PARP14: variants seen among roughly 807,000 people sequenced by gnomAD.
PARP14 encodes the protein poly(ADP-ribose) polymerase family member 14, also known as protein mono-ADP-ribosyltransferase PARP14.
In PARP14, 59 loss-of-function variants were observed where a neutral mutation model predicts 154.2. The observed-to-expected ratio is 0.38, with a 90% confidence interval of 0.31 to 0.48. PARP14 has a LOEUF of 0.48. Among genes scored for constraint, PARP14 ranks in the 20% least tolerant of loss-of-function variants. The probability of loss-of-function intolerance (pLI) is 0.98; values close to 1 mark genes in which losing one functional copy is unlikely to be tolerated. For synonymous variants in PARP14, 720 were observed against 780.5 expected (o/e 0.92, Z 1.29); for missense variants, 1,734 against 2,131.6 (o/e 0.81, Z 3.67).
chr3:122,729,867 C>T lies in PARP14; in HGVS notation c.*1270C>T, dbSNP rs556764572. 3 of 152,298 alleles carry T rather than the reference C, an allele frequency of 2.0e-5. No homozygotes were observed. The East Asian group carries it at 5.8e-4, about 29-fold the overall frequency. 9.4% of individuals were successfully genotyped at this position (152,298 alleles called of 1,614,324 possible). ...TTATTAAATAGTATATTTTCCTTGA[C>T]AGCCTAGCGTTTGATGATTTTAAAG... On this transcript the variant is annotated 3_prime_UTR_variant, in exon 17 of 17. Coordinates refer to ENST00000474629, the MANE Select transcript of PARP14 (RefSeq NM_017554.3).
Position 122,699,730 on chromosome 3 carries a change from T to C in PARP14, c.1176T>C (p.Ser392=), listed in dbSNP as rs777638270. The part of the protein sequence containing the change: ...TWQADTSTTL[S]SIRSKYKVNP... Reference sequence around the variant, plus strand: ...AGGCAGATACTTCCACAACACTCTCTAGCATCAGGTCTAAATATAAAGTCA... The same window carrying C: ...AGGCAGATACTTCCACAACACTCTCCAGCATCAGGTCTAAATATAAAGTCA... The change falls in exon 6 of 17, where the codon TCT becomes TCC. Residue 392 remains serine, a synonymous_variant. Transcript: ENST00000474629. 1 of 1,613,766 alleles carries C rather than the reference T, an allele frequency of 6.2e-7. No homozygotes were observed. The highest frequency in any genetic ancestry group is 8.5e-7 in the Non-Finnish European group (1 of 1,179,668).
At chr3:122,696,076 T>A (rs991524434) in intron 5 of PARP14, among the ~76,000 whole-genome samples, 3 of 152,194 alleles carry the variant, frequency 2.0e-5, no homozygotes, top group Non-Finnish European at 4.4e-5. Context: ...TTTCACCTAT[T>A]GTATCATCAT....
rs1234299151 is a variant in PARP14, at chr3:122,728,961, T to G, written c.*364T>G. On this transcript the variant is annotated 3_prime_UTR_variant, in exon 17 of 17. Transcript: ENST00000474629. ...GCCACTGCAGGAGACAGGCCCCATG[T>G]CAGGATGCCATAGTGCTGTGGGGAG... 1 of 234,690 alleles carries G rather than the reference T, an allele frequency of 4.3e-6. No individual in the cohort carries two copies. Among genetic ancestry groups the G allele is most frequent in the Non-Finnish European group, 8.4e-6 (1 of 118,410 alleles). 14.5% of individuals were successfully genotyped at this position (234,690 alleles called of 1,614,324 possible). A position where few individuals can be genotyped will look rare whatever the true frequency, so the allele number is the denominator to read the frequency against.
intron 3 of PARP14, 119 bp from the exon 4 acceptor site, chr3:122,692,182 C>T (rs944798144): frequency 2.8e-5 from 20 of 711,386 alleles, no homozygotes; most frequent in Non-Finnish European, 4.3e-5. Flanking sequence ...GTCTGTTATT[C>T]TGTGAGTTAG....
chr3:122,702,993 T>TAAAAAAAAAAAAA (rs10707029), intron 6 of PARP14, among the ~76,000 whole-genome samples: 31 of 83,868 alleles, frequency 3.7e-4, no homozygotes, highest in African/African-American at 6.3e-4. Flanking sequence ...CCCTCTCTCT[T>TAAAAAAAAAAAAA]AAAAAAAAAA....
rs1933346119 is a variant in PARP14, at chr3:122,728,600, C to T, written c.*3C>T. ...ACCTTATTACGTTTAGAAAATAACACTTTGGTATCCTTCCCACAAAATTAT... is the reference window on the plus strand; with the variant it reads ...ACCTTATTACGTTTAGAAAATAACATTTTGGTATCCTTCCCACAAAATTAT... On this transcript the variant is annotated 3_prime_UTR_variant, in exon 17 of 17. Transcript: ENST00000474629. 1 of 1,599,420 alleles carries T rather than the reference C, an allele frequency of 6.3e-7. No homozygotes were observed. The highest frequency in any genetic ancestry group is 8.6e-7 in the Non-Finnish European group (1 of 1,168,856).
chr3:122,699,834 A>G lies in PARP14; in HGVS notation c.1280A>G (p.Asp427Gly). ...VKDDRILIEFDTLKEMVILAG... is the reference protein window; with the variant it reads ...VKDDRILIEFGTLKEMVILAG... The stretch of plus-strand genomic sequence containing the variant: ...GATGACAGGATTTTGATTGAGTTTG[A>G]TACACTTAAGGAGATGGTAATCTTA... Residue 427 changes from aspartate to glycine, a missense_variant, in exon 6 of 17, where the codon GAT (aspartate) becomes GGT (glycine). Physicochemically the swap from Asp to Gly is moderately conservative, Grantham distance 94. Around this residue, in one of 2 missense-constraint regions of PARP14, gnomAD observed 1,646 missense variants for 1,976.0 expected, o/e 0.83. Coordinates refer to ENST00000474629, the MANE Select transcript of PARP14 (RefSeq NM_017554.3). The G allele has an allele frequency of 6.2e-7, 1 of 1,613,988 alleles. No homozygotes were observed. The highest frequency in any genetic ancestry group is 8.5e-7 in the Non-Finnish European group (1 of 1,179,844).
At chr3:122,714,161 T>A in intron 11 of PARP14, 101 bp from the exon 12 acceptor site, 1 of 1,035,786 alleles carries the variant, frequency 9.7e-7, no homozygotes. Flanking sequence ...GTTTTTTTTT[T>A]TTCACAAAAT....
chr3:122,700,885 G>A lies in PARP14; in HGVS notation c.2331G>A (p.Glu777=), dbSNP rs1182189170. 1 of 1,613,900 alleles carries A rather than the reference G, an allele frequency of 6.2e-7. No individual in the cohort carries two copies. Residue 777 remains glutamate (E), a synonymous_variant, in exon 6 of 17, where the codon GAG becomes GAA. Coordinates refer to ENST00000474629, the MANE Select transcript of PARP14 (RefSeq NM_017554.3). Reference sequence around the variant, plus strand: ...TTGGTTGTTACATTGAACTACAGGAGAATGAAGTAATGAAGGAGGGAGGCA... The same window carrying A: ...TTGGTTGTTACATTGAACTACAGGAAAATGAAGTAATGAAGGAGGGAGGCA... ...RLFGCYIELQ[E]NEVMKEGGSP...
At chr3:122,686,423 G>A (rs1938374939) in intron 2 of PARP14, among the ~76,000 whole-genome samples, 1 of 151,848 alleles carries the variant, frequency 6.6e-6, no homozygotes, top group African/African-American at 2.4e-5. Flanking sequence ...CCAAAGTGCT[G>A]GGATTACAGG....
At position 122,728,866 on chromosome 3, in the gene PARP14, G is replaced by T; in HGVS notation, c.*269G>T. The T allele has an allele frequency of 2.6e-6, 1 of 384,362 alleles. No homozygotes were observed. The highest frequency in any genetic ancestry group is 4.8e-6 in the Non-Finnish European group (1 of 207,346). The allele number at this position is 384,362 out of a possible 1,614,324, so 23.8% of individuals were successfully genotyped here. A position where few individuals can be genotyped will look rare whatever the true frequency, so the allele number is the denominator to read the frequency against. On this transcript the variant is annotated 3_prime_UTR_variant, in exon 17 of 17. Transcript: ENST00000474629. The stretch of plus-strand genomic sequence containing the variant: ...TATGGACATCAAATCTGTGGGAAAA[G>T]AACAGGTTTGTATTTTCAGGAAGGA...
At chr3:122,707,846 G>T (rs1939209093) in intron 8 of PARP14, among the ~76,000 whole-genome samples, 2 of 152,128 alleles carry the variant, frequency 1.3e-5, no homozygotes, top group African/African-American at 4.8e-5. Flanking sequence ...ATTTTTAATG[G>T]CTAATAAATA....
chr3:122,696,333 G>A (rs1021845355), intron 5 of PARP14, among the ~76,000 whole-genome samples: 3 of 152,166 alleles, frequency 2.0e-5, no homozygotes, highest in South Asian at 2.1e-4. Flanking sequence ...GGAAAACTGT[G>A]CCTGGGATTA....
Position 122,699,871 on chromosome 3 carries a change from A to G in PARP14, c.1317A>G (p.Ser439=). 6.2e-7 allele frequency: 1 copy of G among 1,613,876 alleles called. No homozygotes were observed. ...AGATGGTAATCTTAGCAGGGAAATC[A>G]GAGGATGTCCAAAGCATTGAGGTAC... is the stretch of plus-strand genomic sequence containing the variant. ...LKEMVILAGK[S]EDVQSIEVQV... Residue 439 remains serine, a synonymous_variant, in exon 6 of 17, where the codon TCA becomes TCG. Coordinates refer to ENST00000474629, the MANE Select transcript of PARP14 (RefSeq NM_017554.3).
At position 122,701,843 on chromosome 3, in the gene PARP14, G is replaced by T. The variant is rs1210848610; in HGVS notation, c.3081+208G>T. Reference sequence around the variant, plus strand: ...ACTAATAGAGATCGGCCAATTATTTGTGAGAACTGAAAGGGTATAGAGGTC... The same window carrying T: ...ACTAATAGAGATCGGCCAATTATTTTTGAGAACTGAAAGGGTATAGAGGTC... On this transcript the variant is annotated intron_variant, in intron 6 of 16. Transcript: ENST00000474629. The surrounding 1 kb of genome is among the most constrained non-coding windows in gnomAD (Gnocchi z 4.0). Among the ~76,000 whole-genome samples the T allele has an allele frequency of 6.6e-6, 1 of 152,190 alleles. No individual in the cohort carries two copies. Among genetic ancestry groups the T allele is most frequent in the Non-Finnish European group, 1.5e-5 (1 of 68,034 alleles).
chr3:122,683,058 A>G (rs1938263006), intron 1 of PARP14, among the ~76,000 whole-genome samples: 1 of 152,158 alleles, frequency 6.6e-6, no homozygotes, highest in Non-Finnish European at 1.5e-5. Flanking sequence ...CATCTAAAAC[A>G]AAACAAAAAC....
In PARP14 at chr3:122,700,497, C is replaced by T. The variant is rs758825038; in HGVS notation, c.1943C>T (p.Thr648Ile). 6.2e-7 allele frequency: 1 copy of T among 1,610,578 alleles called. No individual in the cohort carries two copies. Among genetic ancestry groups the T allele is most frequent in the South Asian group, 1.1e-5 (1 of 90,480 alleles). ...GAAACCACAGCTGAAGTCATCATTA[C>T]AGGCTGTGTAAAAGAAGTAAATGAA... ...TSETTAEVIITGCVKEVNETY... is the reference protein window; with the variant it reads ...TSETTAEVIIIGCVKEVNETY... Residue 648 changes from threonine to isoleucine, a missense_variant, in exon 6 of 17, where the codon ACA (threonine) becomes ATA (isoleucine). Thr to Ile is a moderately conservative substitution (Grantham distance 89). This residue lies in a region of PARP14 where 1,646 missense variants were observed against 1,976.0 expected (regional missense o/e 0.83). Transcript: ENST00000474629.
intron 5 of PARP14, among the ~76,000 whole-genome samples, chr3:122,698,498 G>A (rs970049202): frequency 1.3e-5 from 2 of 152,170 alleles, no homozygotes; most frequent in African/African-American, 4.8e-5. Context: ...TGTGGGGCTG[G>A]GCTCTCAGAG....
chr3:122,709,725 T>C (rs1449927440), intron 9 of PARP14, among the ~76,000 whole-genome samples: 1 of 152,192 alleles, frequency 6.6e-6, no homozygotes, highest in Non-Finnish European at 1.5e-5. Flanking sequence ...ACTTAAGTTA[T>C]GGCCATTCTT....
Sources: gnomAD v4.1 joint callset for allele counts (sites outside exome capture counted in the v4.1 genomes callset) on GRCh38, gnomAD v4.1.1 for gene constraint, gnomAD v4.1.1 regional missense constraint, Gnocchi (gnomAD v3.1) non-coding constraint, MANE v1.5 for transcripts, NCBI Gene and HGNC (gene_info 2026-07-23, HGNC 2026-07-21) for gene names.